SATB2: variants seen among roughly 807,000 people sequenced by gnomAD.
SATB2 encodes the protein SATB homeobox 2, also known as DNA-binding protein SATB2.
Under a neutral mutation model 73.4 loss-of-function variants are expected in SATB2, and 1 was observed. The ratio of observed to expected loss-of-function variants is 0.01; its 90% CI spans 0.00 to 0.06. The LOEUF (loss-of-function observed/expected upper bound fraction) is 0.06, where lower values mean the gene tolerates loss of function less well. Among genes scored for constraint, SATB2 ranks in the 10% least tolerant of loss-of-function variants. The pLI is 1.00. For synonymous variants in SATB2, 397 were observed against 367.0 expected, an observed-to-expected ratio of 1.08 and a Z score of -0.93; for missense variants, 459 against 945.8, an observed-to-expected ratio of 0.49 and a Z score of 6.75.
At chr2:199,338,900 A>G (rs1261638040) in intron 7 of SATB2, among the ~76,000 whole-genome samples, 3 of 147,020 alleles carry the variant, frequency 2.0e-5, no homozygotes, top group African/African-American at 7.5e-5. Flanking sequence ...CCTGGGTGAC[A>G]GAGCAAGACT....
At chr2:199,388,212 C>T (rs898700652) in intron 3 of SATB2, among the ~76,000 whole-genome samples, 6 of 152,106 alleles carry the variant, frequency 3.9e-5, no homozygotes, top group Non-Finnish European at 2.9e-5. Context: ...CATTCAACAA[C>T]TTTTTTCTTG....
At chr2:199,353,627 GTTCT>G (rs921339840) in intron 6 of SATB2, among the ~76,000 whole-genome samples, 8 of 152,076 alleles carry the variant, frequency 5.3e-5, no homozygotes, top group Non-Finnish European at 1.0e-4. Context: ...GAGCCTGAGC[GTTCT>G]TTCTTTTTCT....
chr2:199,350,668 A>ACACCC (rs1688788163), intron 6 of SATB2, among the ~76,000 whole-genome samples: 1 of 152,160 alleles, frequency 6.6e-6, no homozygotes, highest in Non-Finnish European at 1.5e-5. Context: ...AAACATGTGA[A>ACACCC]CACCCGTCTT....
intron 8 of SATB2, among the ~76,000 whole-genome samples, chr2:199,327,206 G>A (rs759071265): frequency 2.0e-5 from 3 of 152,118 alleles, no homozygotes; most frequent in African/African-American, 2.4e-5. Context: ...TTGCAAGGCC[G>A]AGGTGGGCAG....
intron 6 of SATB2, among the ~76,000 whole-genome samples, chr2:199,351,522 T>C (rs776028687): frequency 6.6e-6 from 1 of 152,222 alleles, no homozygotes; most frequent in Non-Finnish European, 1.5e-5. Context: ...TTACTCATCT[T>C]CTAAAGGCAA....
At chr2:199,467,754 C>G (rs1268003797), upstream of SATB2, among the ~76,000 whole-genome samples, 2 of 152,184 alleles carry the variant, frequency 1.3e-5, no homozygotes, top group Non-Finnish European at 1.5e-5. Context: ...TATACCCCTC[C>G]CAGCCCCCTC....
chr2:199,423,814 GATT>G (rs912582317), intron 3 of SATB2: 10 of 152,134 alleles, frequency 6.6e-5, no homozygotes, highest in African/African-American at 2.4e-4. Context: ...TTACCAGGGA[GATT>G]ATTAGACCTG....
chr2:199,306,286 C>A (rs1191527565), intron 10 of SATB2, among the ~76,000 whole-genome samples: 4 of 152,140 alleles, frequency 2.6e-5, no homozygotes, highest in Non-Finnish European at 4.4e-5. Flanking sequence ...AAACAATCCA[C>A]AGCTTTGTAT....
chr2:199,418,316 T>A (rs1173684161), intron 3 of SATB2, among the ~76,000 whole-genome samples: 1 of 152,086 alleles, frequency 6.6e-6, no homozygotes, highest in African/African-American at 2.4e-5. Context: ...TACAATGCCC[T>A]CAGTCAGAAC....
chr2:199,469,410 C>G (rs1338571807), upstream of SATB2, among the ~76,000 whole-genome samples: 5 of 152,196 alleles, frequency 3.3e-5, no homozygotes, highest in Admixed American at 6.5e-5. Flanking sequence ...CCTCCGCCCC[C>G]CGGCGGTTCC....
At chr2:199,379,727 T>A (rs1358043387) in intron 5 of SATB2, among the ~76,000 whole-genome samples, 5 of 148,808 alleles carry the variant, frequency 3.4e-5, no homozygotes, top group African/African-American at 1.2e-4. Flanking sequence ...GCTATCTTGC[T>A]ATGTTGCCCA....
chr2:199,353,931 A>G (rs1688895883), intron 6 of SATB2, among the ~76,000 whole-genome samples: 1 of 152,234 alleles, frequency 6.6e-6, no homozygotes, highest in Admixed American at 6.5e-5. Context: ...AGTATTTAGC[A>G]GAAGATCAGA....
intron 2 of SATB2, among the ~76,000 whole-genome samples, chr2:199,452,744 CATATGTTTTTTAAAGAGAT>C (rs1280475488): frequency 3.3e-5 from 5 of 152,016 alleles, no homozygotes; most frequent in Non-Finnish European, 7.4e-5. Flanking sequence ...TCCTAGCCTT[CATATGTTTTTTAAAGAGAT>C]ATTAGCCTTT....
chr2:199,423,393 T>G, intron 3 of SATB2, among the ~76,000 whole-genome samples: 1 of 152,166 alleles, frequency 6.6e-6, no homozygotes, highest in Non-Finnish European at 1.5e-5. Flanking sequence ...GGTGTGCTCT[T>G]TTAAAGTTTC....
chr2:199,442,869 A>C (rs1691860022), intron 2 of SATB2, among the ~76,000 whole-genome samples: 1 of 152,206 alleles, frequency 6.6e-6, no homozygotes, highest in Non-Finnish European at 1.5e-5. Context: ...TCAAGCCTAA[A>C]TTCTTCAGGT....
At chr2:199,367,516 T>C (rs983545921) in intron 6 of SATB2, among the ~76,000 whole-genome samples, 5 of 152,144 alleles carry the variant, frequency 3.3e-5, no homozygotes, top group African/African-American at 4.8e-5. Flanking sequence ...AAACACTCAA[T>C]AGCCAACAAG....
At chr2:199,426,723 AAAAAG>A (rs1691345553) in intron 3 of SATB2, among the ~76,000 whole-genome samples, 1 of 151,154 alleles carries the variant, frequency 6.6e-6, no homozygotes, top group Non-Finnish European at 1.5e-5. Flanking sequence ...AAAAGAAAAG[AAAAAG>A]AAAGAAAGAA....
At position 199,328,867 on chromosome 2, in the gene SATB2, G is replaced by A. The variant is rs1187345550; in HGVS notation, c.1217C>T (p.Thr406Ile). ...GTTTACTAGAAGAGACTGAGAGGCTGTCCGAGGGTCTTCTTCCTTACGCAG... is the reference window on the plus strand; with the variant it reads ...GTTTACTAGAAGAGACTGAGAGGCTATCCGAGGGTCTTCTTCCTTACGCAG... Reference protein sequence around the residue: ...EILRKEEDPRTASQSLLVNLR... With the variant: ...EILRKEEDPRIASQSLLVNLR... The change falls in exon 8 of 11, where the codon ACA becomes ATA. Residue 406 changes from threonine to isoleucine, a missense_variant. Transcript: ENST00000417098. 1 of 1,613,940 alleles carries A rather than the reference G, an allele frequency of 6.2e-7. No individual in the cohort carries two copies. Among genetic ancestry groups the A allele is most frequent in the Admixed American group, 1.7e-5 (1 of 60,006 alleles).
intron 3 of SATB2, among the ~76,000 whole-genome samples, chr2:199,416,189 AT>A (rs1690975523): frequency 6.6e-6 from 1 of 152,192 alleles, no homozygotes; most frequent in South Asian, 2.1e-4. Flanking sequence ...AAAGGAGGTT[AT>A]TTTGTTTATG....
Sources: gnomAD v4.1 joint callset for allele counts (sites outside exome capture counted in the v4.1 genomes callset) on GRCh38, gnomAD v4.1.1 for gene constraint, MANE v1.5 for transcripts, NCBI Gene and HGNC (gene_info 2026-07-23, HGNC 2026-07-21) for gene names.